The following RGMA variants were observed in gnomAD, a reference collection of about 807,000 sequenced individuals.
The protein encoded by RGMA is repulsive guidance molecule A.
Under a neutral mutation model 23.2 loss-of-function variants are expected in RGMA, and 10 were observed. That is an observed-to-expected ratio of 0.43 (90% CI 0.27 to 0.73). The LOEUF is 0.73. Ranked by LOEUF, RGMA falls within the 30% of genes least tolerant of loss-of-function variation. RGMA has a pLI of 0.20. For missense variants in RGMA, 547 were observed against 630.5 expected, an observed-to-expected ratio of 0.87 and a Z score of 1.42; for synonymous variants, 308 against 279.3, an observed-to-expected ratio of 1.10 and a Z score of -1.03.
rs1469277920 is a variant in RGMA at position 93,039,656 on chromosome 15, T to C, written c.*5342A>G. On this transcript the variant is annotated 3_prime_UTR_variant, in exon 4 of 4. Transcript: ENST00000329082. ...TGAGAACATGCGGTGTTTGGTTTTC[T>C]GTTCTTGTGTTAGTTTGCTGAGAAT... is the stretch of plus-strand genomic sequence containing the variant. The C allele has an allele frequency of 6.6e-6, 1 of 152,224 alleles. No individual in the cohort carries two copies. The highest frequency in any genetic ancestry group is 6.5e-5 in the Admixed American group (1 of 15,284). The allele number at this position is 152,224 out of a possible 1,614,324, so 9.4% of individuals were successfully genotyped here.
chr15:93,047,018 A>G (rs541991292), intron 3 of RGMA, among the ~76,000 whole-genome samples: 1 of 152,194 alleles, frequency 6.6e-6, no homozygotes, highest in South Asian at 2.1e-4. Flanking sequence ...ATTACTCTCA[A>G]TTTTCCGGAT....
intron 2 of RGMA, among the ~76,000 whole-genome samples, chr15:93,055,411 T>C (rs1452298065): frequency 6.6e-6 from 1 of 152,066 alleles, no homozygotes; most frequent in Non-Finnish European, 1.5e-5. Flanking sequence ...CTGCAGGCGG[T>C]ACAGGCCTCC....
At chr15:93,060,669 C>G (rs1341313286) in intron 2 of RGMA, among the ~76,000 whole-genome samples, 1 of 152,254 alleles carries the variant, frequency 6.6e-6, no homozygotes, top group Non-Finnish European at 1.5e-5. Context: ...CAAAGAGCCC[C>G]AACAATCACT....
At position 93,036,124 on chromosome 15, in the gene RGMA, A is replaced by T. The variant is rs532826000; in HGVS notation, c.*8874T>A. The T allele has an allele frequency of 6.6e-6, 1 of 152,308 alleles. No homozygotes were observed. The highest frequency in any genetic ancestry group is 1.9e-4 in the East Asian group (1 of 5,182). The allele number at this position is 152,308 out of a possible 1,614,324, so 9.4% of individuals were successfully genotyped here. ...ACTCGGTTAGTGTCTGTCTCTCACCACTAGAGGTCAGTCCCGTGAGGGCGG... is the reference window on the plus strand; with the variant it reads ...ACTCGGTTAGTGTCTGTCTCTCACCTCTAGAGGTCAGTCCCGTGAGGGCGG... On this transcript the variant is annotated 3_prime_UTR_variant, in exon 4 of 4. Coordinates refer to ENST00000329082, the MANE Select transcript of RGMA (RefSeq NM_020211.3).
At chr15:93,063,939 G>A (rs1454886543) in intron 2 of RGMA, among the ~76,000 whole-genome samples, 1 of 152,208 alleles carries the variant, frequency 6.6e-6, no homozygotes, top group Non-Finnish European at 1.5e-5. Context: ...CAGGCAGGAG[G>A]TACTGCCCGT....
chr15:93,047,025 G>A (rs1375525238), intron 3 of RGMA, among the ~76,000 whole-genome samples: 1 of 152,226 alleles, frequency 6.6e-6, no homozygotes, highest in Non-Finnish European at 1.5e-5. Context: ...TCAATTTTCC[G>A]GATGAGAAAA....
chr15:93,072,114 C>G (rs569868579), intron 2 of RGMA, among the ~76,000 whole-genome samples: 1 of 151,888 alleles, frequency 6.6e-6, no homozygotes, highest in Non-Finnish European at 1.5e-5. Context: ...CCCCTCCCCC[C>G]GAAAGGAAAA....
At position 93,039,293 on chromosome 15, in the gene RGMA, ACC is replaced by A. The variant is rs1301426147; in HGVS notation, c.*5703_*5704del. On this transcript the variant is annotated 3_prime_UTR_variant, in exon 4 of 4. Coordinates refer to ENST00000329082, the MANE Select transcript of RGMA (RefSeq NM_020211.3). ...CACCACCATTTCCCCAGGTGCTCAG[ACC>A]CCTGGGGAAGACATCGTGGTCTCCT... The A allele has an allele frequency of 7.3e-5, 11 of 151,638 alleles. No homozygotes were observed. Among genetic ancestry groups the A allele is most frequent in the Admixed American group, 6.6e-4 (10 of 15,218 alleles). 9.4% of individuals were successfully genotyped at this position (151,638 alleles called of 1,614,324 possible). A position where few individuals can be genotyped will look rare whatever the true frequency, so the allele number is the denominator to read the frequency against.
chr15:93,048,028 G>A (rs1291271809), intron 3 of RGMA, among the ~76,000 whole-genome samples: 4 of 152,162 alleles, frequency 2.6e-5, no homozygotes, highest in Non-Finnish European at 5.9e-5. Flanking sequence ...GCAGCAGAGT[G>A]GCCTGTTTGG....
intron 2 of RGMA, among the ~76,000 whole-genome samples, chr15:93,068,165 A>G (rs1017190987): frequency 1.3e-5 from 2 of 152,204 alleles, no homozygotes; most frequent in African/African-American, 4.8e-5. Flanking sequence ...TAAAACTAGG[A>G]AAGTCCTGGG....
At chr15:93,047,593 A>G (rs1285221490) in intron 3 of RGMA, among the ~76,000 whole-genome samples, 2 of 148,060 alleles carry the variant, frequency 1.4e-5, no homozygotes, top group African/African-American at 2.5e-5. Flanking sequence ...CACCCAGGAG[A>G]GGGTGTGGCC....
At chr15:93,064,193 C>T (rs1895065290) in intron 2 of RGMA, among the ~76,000 whole-genome samples, 1 of 152,178 alleles carries the variant, frequency 6.6e-6, no homozygotes, top group South Asian at 2.1e-4. Flanking sequence ...CTTCTCTAGG[C>T]AAGAGGAGCC....
chr15:93,046,840 T>A (rs4424872), intron 3 of RGMA, among the ~76,000 whole-genome samples: 147,731 of 152,120 alleles, frequency 0.97, 71,762 homozygotes, highest in East Asian at 1. Flanking sequence ...TCCTTTCTGC[T>A]GGAGCCTGTG....
chr15:93,042,180 A>G lies in RGMA; in HGVS notation c.*2818T>C, dbSNP rs1006650256. ...CCAGACTCCATTTCAAAAATAAAAT[A>G]AAGTTCTCCTTTTTCTTCAGCCTTC... is the stretch of plus-strand genomic sequence containing the variant. On this transcript the variant is annotated 3_prime_UTR_variant, in exon 4 of 4. Coordinates refer to ENST00000329082, the MANE Select transcript of RGMA (RefSeq NM_020211.3). 4 of 152,174 alleles carry G rather than the reference A, an allele frequency of 2.6e-5. No individual in the cohort carries two copies. The highest frequency in any genetic ancestry group is 4.4e-5 in the Non-Finnish European group (3 of 68,092). 9.4% of individuals were successfully genotyped at this position (152,174 alleles called of 1,614,324 possible).
chr15:93,059,144 T>C (rs903795051), intron 2 of RGMA, among the ~76,000 whole-genome samples: 2 of 151,898 alleles, frequency 1.3e-5, no homozygotes, highest in Non-Finnish European at 1.5e-5. Context: ...CCTGGAGCTG[T>C]TTCTATGCTT....
Position 93,045,334 on chromosome 15 carries a change from G to A in RGMA, c.1017C>T (p.Ala339=). The A allele has an allele frequency of 6.2e-7, 1 of 1,612,164 alleles. No homozygotes were observed. Among genetic ancestry groups the A allele is most frequent in the South Asian group, 1.1e-5 (1 of 91,020 alleles). Residue 339 remains alanine, a synonymous_variant, in exon 4 of 4, where the codon GCC becomes GCT. Transcript: ENST00000329082. This position sits in a 1 kb window ranked among gnomAD's most constrained non-coding sequence, Gnocchi z 6.9. ...CAGGGCTGGCGGCTGCCAGCCTGCG[G>A]GCACCGGTGCCCTCAGCATTGGTGT... The part of the protein sequence containing the change: ...AFHTNAEGTG[A]RRLAAASPAP...
Position 93,044,077 on chromosome 15 carries a change from G to A in RGMA, c.*921C>T, listed in dbSNP as rs2054771043. 6.6e-6 allele frequency: 1 copy of A among 152,478 alleles called. No homozygotes were observed. The highest frequency in any genetic ancestry group is 2.1e-4 in the South Asian group (1 of 4,836). The allele number at this position is 152,478 out of a possible 1,614,324, so 9.4% of individuals were successfully genotyped here. On this transcript the variant is annotated 3_prime_UTR_variant, in exon 4 of 4. Transcript: ENST00000329082. Reference sequence around the variant, plus strand: ...CCAGACTCCAGACGTGGATGGACCGGGCTGGGGGCTCTTGGGGTTGTGAGG... The same window carrying A: ...CCAGACTCCAGACGTGGATGGACCGAGCTGGGGGCTCTTGGGGTTGTGAGG...
chr15:93,042,432 C>G lies in RGMA; in HGVS notation c.*2566G>C, dbSNP rs767083460. On this transcript the variant is annotated 3_prime_UTR_variant, in exon 4 of 4. Transcript: ENST00000329082. ...AATTTACAGGAATGAACTCCTGACTCTCCAAACAACTGTATGGGACAGGCA... is the reference window on the plus strand; with the variant it reads ...AATTTACAGGAATGAACTCCTGACTGTCCAAACAACTGTATGGGACAGGCA... 1 of 152,358 alleles carries G rather than the reference C, an allele frequency of 6.6e-6. No individual in the cohort carries two copies. The highest frequency in any genetic ancestry group is 2.1e-4 in the South Asian group (1 of 4,830). 9.4% of individuals were successfully genotyped at this position (152,358 alleles called of 1,614,324 possible). A position where few individuals can be genotyped will look rare whatever the true frequency, so the allele number is the denominator to read the frequency against.
At chr15:93,058,173 C>T (rs544592211) in intron 2 of RGMA, among the ~76,000 whole-genome samples, 133 of 152,328 alleles carry the variant, frequency 8.7e-4, no homozygotes, top group Non-Finnish European at 2.8e-4. Context: ...CTTGCAATTT[C>T]CCCACCCAGA....
Sources: allele counts gnomAD v4.1 joint callset (sites outside exome capture counted in the v4.1 genomes callset), GRCh38; gene constraint gnomAD v4.1.1; non-coding constraint Gnocchi (gnomAD v3.1); transcripts MANE v1.5; gene names NCBI Gene and HGNC (gene_info 2026-07-23, HGNC 2026-07-21).